Variants in MEGF10 observed in about 807,000 individuals in gnomAD.
MEGF10 encodes the protein multiple EGF like domains 10.
MEGF10 carries 86 observed loss-of-function variants against 147.5 expected under a neutral mutation model. The observed-to-expected ratio is 0.58, with a 90% CI of 0.49 to 0.70. The LOEUF (loss-of-function observed/expected upper bound fraction) is 0.70. Ranked by LOEUF, MEGF10 falls within the 30% of genes least tolerant of loss-of-function variation. The probability of loss-of-function intolerance (pLI) is 0.00; values close to 1 mark genes in which losing one functional copy is unlikely to be tolerated. For synonymous variants in MEGF10, 478 were observed against 525.5 expected (o/e 0.91, Z 1.24); for missense variants, 1,329 against 1,487.3 (o/e 0.89, Z 1.75).
At chr5:127,296,099 T>C (rs17165102) in intron 1 of MEGF10, among the ~76,000 whole-genome samples, 12,463 of 152,246 alleles carry the variant, frequency 0.082, 761 homozygotes, top group African/African-American at 0.17. Context: ...TCTTTTTAAA[T>C]ATAGTTATTG....
At chr5:127,440,622 T>C (rs543187754) in intron 17 of MEGF10, 117 bp from the exon 18 acceptor site, 2 of 1,051,128 alleles carry the variant, frequency 1.9e-6, no homozygotes, top group South Asian at 3.0e-5. Flanking sequence ...CTATTCACTG[T>C]ATTCTCTGAT....
At chr5:127,281,627 T>C in the MEGF10 span, among the ~76,000 whole-genome samples, 1 of 152,144 alleles carries the variant, frequency 6.6e-6, no homozygotes. Context: ...CCTGGAGTGT[T>C]GGGGTCTTGG....
In MEGF10 at chr5:127,310,769, A is replaced by G. The variant is rs529556108; in HGVS notation, c.-19+19713A>G. 3.3e-5 allele frequency among the ~76,000 whole-genome samples: 5 copies of G among 152,256 alleles called. No homozygotes were observed. In the East Asian group the frequency reaches 9.7e-4, roughly 29 times the overall value. ...TTTGAAAATAGCCTCAATCATTTGTAGTATAGGGGCTAAGGAGAGAAAGGG... is the reference window on the plus strand; with the variant it reads ...TTTGAAAATAGCCTCAATCATTTGTGGTATAGGGGCTAAGGAGAGAAAGGG... On this transcript the variant is annotated intron_variant, in intron 1 of 24. Coordinates refer to ENST00000503335, the MANE Select transcript of MEGF10 (RefSeq NM_001256545.2).
chr5:127,297,359 A>G (rs1348684926), intron 1 of MEGF10, among the ~76,000 whole-genome samples: 1 of 152,206 alleles, frequency 6.6e-6, no homozygotes, highest in Non-Finnish European at 1.5e-5. Flanking sequence ...AAAACAGACT[A>G]AAAAAGTACA....
chr5:127,441,165 GC>G (rs1436492754), intron 18 of MEGF10, among the ~76,000 whole-genome samples: 9 of 152,270 alleles, frequency 5.9e-5, no homozygotes, highest in Non-Finnish European at 1.2e-4. Context: ...TTGGAATGTG[GC>G]TGCTCAGAGC....
intron 13 of MEGF10, 75 bp downstream of exon 13, chr5:127,422,847 C>A: frequency 9.7e-7 from 1 of 1,035,680 alleles, no homozygotes; most frequent in Non-Finnish European, 1.5e-6. Flanking sequence ...TATCACTTCA[C>A]AGAAACACAC....
At position 127,460,885 on chromosome 5, in the gene MEGF10, TA is replaced by T. The variant is rs1160290519; in HGVS notation, c.*3568del. ...GCATATGCAAGTGTGAATTACGTGG[TA>T]TGGATGTTTGCTTGTTTATTAACTA... On this transcript the variant is annotated 3_prime_UTR_variant, in exon 25 of 25. Transcript: ENST00000503335. The T allele has an allele frequency of 6.6e-6, 1 of 152,214 alleles. No homozygotes were observed. The highest frequency in any genetic ancestry group is 1.5e-5 in the Non-Finnish European group (1 of 68,034). 9.4% of individuals were successfully genotyped at this position (152,214 alleles called of 1,614,324 possible).
chr5:127,270,166 T>G, the MEGF10 span, among the ~76,000 whole-genome samples: 1 of 152,172 alleles, frequency 6.6e-6, no homozygotes, highest in Non-Finnish European at 1.5e-5. Context: ...GGGAAGAAAC[T>G]GCATCAACTA....
chr5:127,454,465 T>A (rs1247958421), intron 22 of MEGF10, 101 bp from the exon 23 acceptor site: 5 of 968,646 alleles, frequency 5.2e-6, no homozygotes, highest in Non-Finnish European at 7.8e-6. Context: ...GCCTGGTTGT[T>A]TGCTGCAGTG....
Position 127,329,090 on chromosome 5 carries a change from TTTA to T in MEGF10, c.-18-2193_-18-2191del, listed in dbSNP as rs373115490. On this transcript the variant is annotated intron_variant, in intron 1 of 24. Transcript: ENST00000503335. ...GGTCAGGAAATGTTATCTGTTATTG[TTTA>T]TTATTATCATCATCATTTTTTATTC... is the stretch of plus-strand genomic sequence containing the variant. Among the ~76,000 whole-genome samples the T allele has an allele frequency of 2.0e-3, 312 of 152,306 alleles. 1 individual carries two copies. Among genetic ancestry groups the T allele is most frequent in the African/African-American group, 7.2e-3 (298 of 41,582 alleles).
chr5:127,435,489 C>A lies in MEGF10; in HGVS notation c.2104C>A (p.Pro702Thr), dbSNP rs145440199. ...TTGGATTGGCAGTGACTGCTCTCAA[C>A]GTAAGTCTTGTTTGAGAACAATTAA... ...PGWIGSDCSQ[P>T]CPPAHWGPNC... The change falls in exon 16 of 25, where the codon CCA (proline) becomes ACA (threonine). Residue 702 changes from proline (P) to threonine (T), a missense_variant and splice_region_variant. Pro to Thr is a conservative substitution (Grantham distance 38). Coordinates refer to ENST00000503335, the MANE Select transcript of MEGF10 (RefSeq NM_001256545.2). 1 of 1,612,044 alleles carries A rather than the reference C, an allele frequency of 6.2e-7. No individual in the cohort carries two copies.
At chr5:127,301,209 C>G (rs1759752409) in intron 1 of MEGF10, among the ~76,000 whole-genome samples, 1 of 152,182 alleles carries the variant, frequency 6.6e-6, no homozygotes, top group South Asian at 2.1e-4. Context: ...TACCTGCAAA[C>G]CCATGCTTCC....
chr5:127,394,708 A>T (rs1263593656), intron 5 of MEGF10, among the ~76,000 whole-genome samples: 1 of 151,270 alleles, frequency 6.6e-6, no homozygotes, highest in African/African-American at 2.5e-5. Context: ...GAAACAACTC[A>T]TATGAATAAC....
At chr5:127,260,958 G>A in the MEGF10 span, among the ~76,000 whole-genome samples, 1 of 152,176 alleles carries the variant, frequency 6.6e-6, no homozygotes, top group Admixed American at 6.5e-5. Context: ...AACAGGAACT[G>A]TAGTGCAGTT....
chr5:127,412,962 G>A (rs926614310), intron 9 of MEGF10, among the ~76,000 whole-genome samples: 5 of 152,146 alleles, frequency 3.3e-5, no homozygotes, highest in African/African-American at 1.2e-4. Flanking sequence ...ATGGTGACTG[G>A]TTTCTAAAAC....
chr5:127,398,118 G>A (rs1025639974), intron 6 of MEGF10, among the ~76,000 whole-genome samples: 20 of 151,996 alleles, frequency 1.3e-4, no homozygotes, highest in African/African-American at 4.1e-4. Flanking sequence ...TAATGCATGC[G>A]GGGCTTAAAA....
intron 15 of MEGF10, 130 bp from the exon 16 acceptor site, chr5:127,435,231 C>A: frequency 1.9e-6 from 2 of 1,069,206 alleles, no homozygotes; most frequent in Non-Finnish European, 2.7e-6. Context: ...ATGAAGGATG[C>A]TGTTGAGCAG....
chr5:127,310,520 C>T (rs952867290), intron 1 of MEGF10, among the ~76,000 whole-genome samples: 1 of 152,016 alleles, frequency 6.6e-6, no homozygotes. Context: ...TAGCCCCTTT[C>T]TCTGTAATAC....
chr5:127,232,985 T>G, the MEGF10 span, among the ~76,000 whole-genome samples: 1 of 152,150 alleles, frequency 6.6e-6, no homozygotes, highest in African/African-American at 2.4e-5. Flanking sequence ...GGAGGTAAAT[T>G]TAATTTGTCA....
Sources: gnomAD v4.1 joint callset for allele counts (sites outside exome capture counted in the v4.1 genomes callset) on GRCh38, gnomAD v4.1.1 for gene constraint, MANE v1.5 for transcripts, NCBI Gene and HGNC (gene_info 2026-07-23, HGNC 2026-07-21) for gene names.